Variants in SSX2IP observed in about 807,000 individuals in gnomAD.
SSX2IP encodes SSX family member 2 interacting protein.
A neutral mutation model predicts 84.9 loss-of-function variants in SSX2IP; 55 were observed. That is an observed-to-expected ratio of 0.65 (90% CI 0.52 to 0.81). The LOEUF is 0.81. Ranked by LOEUF, SSX2IP falls within the 30% of genes least tolerant of loss-of-function variation. The probability of loss-of-function intolerance (pLI) is 0.00; values close to 1 mark genes in which losing one functional copy is unlikely to be tolerated. For synonymous variants in SSX2IP, 239 were observed against 234.7 expected (o/e 1.02, Z -0.17); for missense variants, 664 against 705.2 (o/e 0.94, Z 0.66).
At chr1:84,648,646 T>C (rs1649785841) in intron 13 of SSX2IP, among the ~76,000 whole-genome samples, 1 of 152,226 alleles carries the variant, frequency 6.6e-6, no homozygotes, top group Non-Finnish European at 1.5e-5. Context: ...TATGTTATGC[T>C]ATCTCTTAGA....
intron 4 of SSX2IP, among the ~76,000 whole-genome samples, chr1:84,669,170 CCTTTT>C (rs918607575): frequency 3.3e-5 from 1 of 30,676 alleles, no homozygotes; most frequent in African/African-American, 6.8e-5. Context: ...AAAAATACTT[CCTTTT>C]TTTTTTTAAG....
At chr1:84,653,044 A>G (rs1650546316) in intron 11 of SSX2IP, among the ~76,000 whole-genome samples, 1 of 152,178 alleles carries the variant, frequency 6.6e-6, no homozygotes, top group Non-Finnish European at 1.5e-5. Context: ...AAAAAAACAA[A>G]AACAAAAAAA....
intron 9 of SSX2IP, 22 bp from the exon 10 acceptor site, chr1:84,656,506 G>C (rs1165005049): frequency 1.2e-6 from 2 of 1,606,210 alleles, no homozygotes. Context: ...TCAGTAAGTT[G>C]ACATAGGTCT....
chr1:84,686,460 G>A (rs1006683528), intron 1 of SSX2IP, among the ~76,000 whole-genome samples: 3 of 152,214 alleles, frequency 2.0e-5, no homozygotes, highest in Non-Finnish European at 4.4e-5. Flanking sequence ...AGTAAAGTTA[G>A]TAAAACTGGG....
chr1:84,682,189 T>A (rs1332433669), intron 1 of SSX2IP, among the ~76,000 whole-genome samples: 1 of 152,240 alleles, frequency 6.6e-6, no homozygotes, highest in Non-Finnish European at 1.5e-5. Context: ...TTATTGCTAA[T>A]GTTTTCACCT....
intron 9 of SSX2IP, among the ~76,000 whole-genome samples, chr1:84,656,745 A>C (rs774072260): frequency 6.6e-6 from 1 of 152,190 alleles, no homozygotes; most frequent in Non-Finnish European, 1.5e-5. Flanking sequence ...ACATTTGTGC[A>C]ATTTTAAGAC....
intron 9 of SSX2IP, 148 bp downstream of exon 9, chr1:84,658,170 T>A (rs1651403874): frequency 5.3e-6 from 4 of 758,700 alleles, no homozygotes; most frequent in Non-Finnish European, 8.2e-6. Context: ...AATGAAAAAA[T>A]AAATGTATGC....
chr1:84,679,250 G>A (rs538940064), intron 1 of SSX2IP, among the ~76,000 whole-genome samples: 95 of 152,252 alleles, frequency 6.2e-4, no homozygotes, highest in Non-Finnish European at 1.2e-3. Context: ...AAAGGAGACC[G>A]TAGCTTTGAA....
chr1:84,666,104 CAAT>C lies in SSX2IP; in HGVS notation c.537+15_537+17del, dbSNP rs1300604050. On this transcript the variant is annotated intron_variant, in intron 5 of 13. Coordinates refer to ENST00000342203, the MANE Select transcript of SSX2IP (RefSeq NM_001166293.2). ...CAAAAATTCACTTAAACTTCATCTG[CAAT>C]AACTGACAACTCACCTCATCTTTCT... 1 of 1,578,880 alleles carries C rather than the reference CAAT, an allele frequency of 6.3e-7. No individual in the cohort carries two copies. The highest frequency in any genetic ancestry group is 1.7e-5 in the Admixed American group (1 of 58,088).
At chr1:84,676,624 T>TATA (rs1654368319) in intron 1 of SSX2IP, among the ~76,000 whole-genome samples, 2 of 151,958 alleles carry the variant, frequency 1.3e-5, no homozygotes, top group Non-Finnish European at 2.9e-5. Flanking sequence ...CAGGAACTAG[T>TATA]GCTCAGAGAG....
chr1:84,682,793 G>T (rs910114383), intron 1 of SSX2IP, among the ~76,000 whole-genome samples: 1 of 152,032 alleles, frequency 6.6e-6, no homozygotes, highest in Non-Finnish European at 1.5e-5. Flanking sequence ...GAGCCATCAC[G>T]CACTGCCTTT....
intron 1 of SSX2IP, among the ~76,000 whole-genome samples, chr1:84,686,014 C>G (rs956142437): frequency 1.3e-5 from 2 of 152,104 alleles, no homozygotes; most frequent in East Asian, 3.8e-4. Flanking sequence ...ATTATTTAGT[C>G]CTACAATTCT....
intron 1 of SSX2IP, among the ~76,000 whole-genome samples, chr1:84,686,711 C>T (rs1426454511): frequency 6.6e-6 from 1 of 152,150 alleles, no homozygotes; most frequent in African/African-American, 2.4e-5. Flanking sequence ...GAACGGACTT[C>T]AGGAAAGCCA....
At chr1:84,669,633 A>T in intron 4 of SSX2IP, 48 bp downstream of exon 4, 1 of 1,426,036 alleles carries the variant, frequency 7.0e-7, no homozygotes, top group Non-Finnish European at 9.8e-7. Flanking sequence ...AATTTATAGT[A>T]CTCAATTATA....
At chr1:84,665,459 G>A (rs1232361673) in intron 5 of SSX2IP, among the ~76,000 whole-genome samples, 1 of 152,034 alleles carries the variant, frequency 6.6e-6, no homozygotes, top group Non-Finnish European at 1.5e-5. Context: ...CTGAAACTAA[G>A]TATTATATTT....
intron 1 of SSX2IP, among the ~76,000 whole-genome samples, chr1:84,672,849 AC>A (rs1479008195): frequency 1.3e-5 from 2 of 151,870 alleles, no homozygotes; most frequent in Admixed American, 6.6e-5. Context: ...ACATGGCGAA[AC>A]CCCCGTCTCT....
intron 11 of SSX2IP, chr1:84,655,374 C>A: frequency 8.3e-7 from 1 of 1,205,184 alleles, no homozygotes; most frequent in Non-Finnish European, 1.1e-6. Context: ...ATGTAGATGA[C>A]ACATTGCTAA....
rs568602697 is a variant in SSX2IP at position 84,668,213 on chromosome 1, C to T, written c.426+1468G>A. On this transcript the variant is annotated intron_variant, in intron 4 of 13. Coordinates refer to ENST00000342203, the MANE Select transcript of SSX2IP (RefSeq NM_001166293.2). ...ACTCCTTGAAGTAAAGGCTCAATAG[C>T]CTCAGATCACCAACATATCATAATG... 2.6e-5 allele frequency among the ~76,000 whole-genome samples: 4 copies of T among 152,222 alleles called. No individual in the cohort carries two copies. The East Asian group carries it at 7.7e-4, about 29-fold the overall frequency.
At chr1:84,654,904 G>A (rs1650854396) in intron 11 of SSX2IP, among the ~76,000 whole-genome samples, 1 of 152,080 alleles carries the variant, frequency 6.6e-6, no homozygotes, top group South Asian at 2.1e-4. Context: ...AAGAGAGGTA[G>A]AACAAGAGTA....
Sources: allele counts gnomAD v4.1 joint callset (sites outside exome capture counted in the v4.1 genomes callset), GRCh38; gene constraint gnomAD v4.1.1; transcripts MANE v1.5; gene names NCBI Gene and HGNC (gene_info 2026-07-23, HGNC 2026-07-21).